The following WWC1 variants were observed in gnomAD, a reference collection of about 807,000 sequenced individuals.
WWC1 encodes protein KIBRA.
In WWC1, 55 loss-of-function variants were observed where a neutral mutation model predicts 138.4. The ratio of observed to expected loss-of-function variants is 0.40; its 90% CI spans 0.32 to 0.50. WWC1 has a LOEUF of 0.50. Among genes scored for constraint, WWC1 ranks in the 20% least tolerant of loss-of-function variants. WWC1 has a pLI of 0.72. For missense variants in WWC1, 1,226 were observed against 1,420.4 expected, an observed-to-expected ratio of 0.86 and a Z score of 2.20; for synonymous variants, 524 against 564.9, an observed-to-expected ratio of 0.93 and a Z score of 1.03.
intron 6 of WWC1, among the ~76,000 whole-genome samples, chr5:168,406,639 T>C (rs1779815022): frequency 1.3e-5 from 2 of 152,202 alleles, no homozygotes; most frequent in Admixed American, 6.5e-5. Flanking sequence ...TTTAAACTTT[T>C]ATTTTTTAAT....
intron 2 of WWC1, among the ~76,000 whole-genome samples, chr5:168,383,170 C>T (rs1777773174): frequency 6.8e-6 from 1 of 147,958 alleles, no homozygotes; most frequent in South Asian, 2.3e-4. Context: ...GAGCAAGACT[C>T]CATCTCAAAA....
intron 1 of WWC1, among the ~76,000 whole-genome samples, chr5:168,293,179 G>T (rs1355722060): frequency 6.6e-6 from 1 of 152,170 alleles, no homozygotes; most frequent in East Asian, 1.9e-4. Context: ...TGGTTGTTTG[G>T]CATTTCTTTG....
chr5:168,293,017 T>C (rs1314624900), intron 1 of WWC1, among the ~76,000 whole-genome samples: 3 of 152,132 alleles, frequency 2.0e-5, no homozygotes, highest in Non-Finnish European at 4.4e-5. Context: ...CTTTCTTCCC[T>C]GATCGGGGAA....
intron 1 of WWC1, among the ~76,000 whole-genome samples, chr5:168,313,172 G>A (rs894430949): frequency 6.6e-6 from 1 of 152,104 alleles, no homozygotes; most frequent in Non-Finnish European, 1.5e-5. Context: ...AGTTCACAGG[G>A]CCTGGTGGTT....
chr5:168,399,023 C>T (rs1001638024), intron 4 of WWC1, among the ~76,000 whole-genome samples: 6 of 152,228 alleles, frequency 3.9e-5, no homozygotes, highest in African/African-American at 1.4e-4. Flanking sequence ...TGTCTTGCCA[C>T]TAAAGTTACT....
In WWC1 at chr5:168,423,707, C is replaced by A; in HGVS notation, c.1449C>A (p.Phe483Leu). The change falls in exon 11 of 23, where the codon TTC becomes TTA. Residue 483 changes from phenylalanine (F) to leucine (L), a missense_variant. Physicochemically the swap from Phe to Leu is conservative, Grantham distance 22. Around this residue, in one of 3 missense-constraint regions of WWC1, gnomAD observed 1,016 missense variants for 1,153.9 expected, o/e 0.88. Transcript: ENST00000265293. ...CAGAGCTGCAGAGCAAGGTGGAGTT[C>A]CTGCTCCTGGAGGGGGCCACCGGCT... ...LDSELQSKVE[F>L]LLLEGATGFR... is the part of the protein sequence containing the mutation. 6.2e-7 allele frequency: 1 copy of A among 1,614,190 alleles called. No individual in the cohort carries two copies. The highest frequency in any genetic ancestry group is 8.5e-7 in the Non-Finnish European group (1 of 1,180,038).
chr5:168,308,278 A>G (rs889303657), intron 1 of WWC1, among the ~76,000 whole-genome samples: 1 of 145,148 alleles, frequency 6.9e-6, no homozygotes, highest in Non-Finnish European at 1.5e-5. Flanking sequence ...GTCACCCTAC[A>G]TGGATCTTAC....
chr5:168,319,507 G>T (rs1771884072), intron 1 of WWC1, among the ~76,000 whole-genome samples: 1 of 152,184 alleles, frequency 6.6e-6, no homozygotes, highest in South Asian at 2.1e-4. Context: ...AGATCACATG[G>T]TAATTTATCT....
In WWC1 at chr5:168,426,075, G is replaced by A. The variant is rs138751800; in HGVS notation, c.1811-1958G>A. Among the ~76,000 whole-genome samples the A allele has an allele frequency of 5.5e-3, 838 of 152,312 alleles. 7 individuals carry two copies. Among genetic ancestry groups the A allele is most frequent in the African/African-American group, 0.019 (801 of 41,560 alleles). ...CTGCTGTGCCCAGAATTATCCATGT[G>A]TGTACAAGGGCCAGTGGGAGCATGG... On this transcript the variant is annotated intron_variant, in intron 11 of 22. Coordinates refer to ENST00000265293, the MANE Select transcript of WWC1 (RefSeq NM_015238.3).
chr5:168,418,110 A>T (rs1371628161), intron 9 of WWC1, among the ~76,000 whole-genome samples: 2 of 152,050 alleles, frequency 1.3e-5, no homozygotes, highest in Non-Finnish European at 2.9e-5. Context: ...TGGGATTATT[A>T]TGCTCCTCAT....
intron 1 of WWC1, among the ~76,000 whole-genome samples, chr5:168,348,470 C>T (rs1467066401): frequency 1.3e-5 from 2 of 152,206 alleles, no homozygotes; most frequent in Non-Finnish European, 2.9e-5. Flanking sequence ...CATTGTCCCT[C>T]TCCCTGAAGC....
intron 7 of WWC1, among the ~76,000 whole-genome samples, chr5:168,409,383 GCTGTCC>G (rs1680913414): frequency 6.6e-6 from 1 of 152,156 alleles, no homozygotes; most frequent in African/African-American, 2.4e-5. Context: ...AGAAAAAGAG[GCTGTCC>G]CTTCCTTCCC....
chr5:168,429,256 A>ATTTTTTTTTTTTTTT (rs67280988), intron 13 of WWC1, among the ~76,000 whole-genome samples: 1 of 116,376 alleles, frequency 8.6e-6, no homozygotes, highest in Non-Finnish European at 1.7e-5. Context: ...TATGATCTCA[A>ATTTTTTTTTTTTTTT]TTTTTTTTTT....
intron 1 of WWC1, among the ~76,000 whole-genome samples, chr5:168,306,814 C>T (rs919803718): frequency 5.3e-5 from 8 of 152,216 alleles, no homozygotes; most frequent in Non-Finnish European, 1.2e-4. Context: ...CCAGGCTGGT[C>T]TGGAACTCCT....
rs764634787 is a variant in WWC1, at chr5:168,414,436, A to G, written c.1030A>G (p.Ile344Val). The change falls in exon 9 of 23, where the codon ATC (isoleucine) becomes GTC (valine). Residue 344 changes from isoleucine (I) to valine (V), a missense_variant. Physicochemically the swap from Ile to Val is conservative, Grantham distance 29. This residue lies in a region of WWC1 where 1,016 missense variants were observed against 1,153.9 expected (regional missense o/e 0.88). Transcript: ENST00000265293. ...CTCAGAGAGGGACCGGCTGATCCTT[A>G]TCAACGAGAAGGAGGAGCTGCTGAA... ...LDSERDRLIL[I>V]NEKEELLKEM... is the part of the protein sequence containing the mutation. The G allele has an allele frequency of 3.8e-6, 6 of 1,589,824 alleles. No homozygotes were observed. Among genetic ancestry groups the G allele is most frequent in the Non-Finnish European group, 5.1e-6 (6 of 1,167,288 alleles).
intron 8 of WWC1, chr5:168,414,041 C>T: frequency 3.1e-6 from 1 of 322,012 alleles, no homozygotes; most frequent in East Asian, 6.2e-5. Flanking sequence ...CCCAAGGCCA[C>T]ACAGCCAGTG....
At chr5:168,439,657 A>G (rs1754576216) in intron 15 of WWC1, among the ~76,000 whole-genome samples, 1 of 151,782 alleles carries the variant, frequency 6.6e-6, no homozygotes, top group Non-Finnish European at 1.5e-5. Flanking sequence ...ATCTTTCGCT[A>G]TTACAAAGAG....
intron 20 of WWC1, among the ~76,000 whole-genome samples, chr5:168,461,275 T>C (rs1350690514): frequency 3.3e-5 from 5 of 151,800 alleles, no homozygotes; most frequent in African/African-American, 1.2e-4. Context: ...GAGGTTGCAG[T>C]GAGCTGAGAT....
At chr5:168,423,441 A>C (rs991992278) in intron 10 of WWC1, 92 bp from the exon 11 acceptor site, 6 of 1,396,298 alleles carry the variant, frequency 4.3e-6, no homozygotes, top group Non-Finnish European at 4.8e-6. Flanking sequence ...AAGTCTAGTG[A>C]GATCATGGTG....
Sources: gnomAD v4.1 joint callset for allele counts (sites outside exome capture counted in the v4.1 genomes callset) on GRCh38, gnomAD v4.1.1 for gene constraint, gnomAD v4.1.1 regional missense constraint, MANE v1.5 for transcripts, NCBI Gene and HGNC (gene_info 2026-07-23, HGNC 2026-07-21) for gene names.